FAM216A: variants seen among roughly 807,000 people sequenced by gnomAD.
The protein encoded by FAM216A is family with sequence similarity 216 member A.
FAM216A carries 26 observed loss-of-function variants against 37.6 expected under a neutral mutation model. That is an observed-to-expected ratio of 0.69 (90% CI 0.51 to 0.96). The LOEUF is 0.96. FAM216A is among the 40% of genes least tolerant of loss of function. The pLI is 0.00. For synonymous variants in FAM216A, 110 were observed against 121.7 expected (o/e 0.90, Z 0.64); for missense variants, 326 against 339.3 (o/e 0.96, Z 0.31).
intron 1 of FAM216A, among the ~76,000 whole-genome samples, chr12:110,470,314 G>A (rs772300922): frequency 6.6e-6 from 1 of 151,722 alleles, no homozygotes; most frequent in Non-Finnish European, 1.5e-5. Flanking sequence ...TAGCCAGGAT[G>A]GTCTCGATCT....
rs190282260 is a variant in FAM216A at position 110,487,543 on chromosome 12, A to T, written c.621-318A>T. 2.2e-3 allele frequency: 575 copies of T among 258,226 alleles called. 2 individuals are homozygous for T. The highest frequency in any genetic ancestry group is 0.012 in the African/African-American group (529 of 43,940). The allele number at this position is 258,226 out of a possible 1,614,324, so 16.0% of individuals were successfully genotyped here. Reference sequence around the variant, plus strand: ...ATTTCTTTATCAGATAGAGTTATGGATGACTGCCCTTTTCAATATAATTCC... The same window carrying T: ...ATTTCTTTATCAGATAGAGTTATGGTTGACTGCCCTTTTCAATATAATTCC... On this transcript the variant is annotated intron_variant, in intron 5 of 6. Coordinates refer to ENST00000377673, the MANE Select transcript of FAM216A (RefSeq NM_013300.3).
chr12:110,486,471 T>C lies in FAM216A; in HGVS notation c.436+17T>C. ...AAAAGCCAGGCAGGTGCACCTCCAG[T>C]TGTCTTTTCACTAGTTTTTACAATT... On this transcript the variant is annotated intron_variant, in intron 4 of 6. Transcript: ENST00000377673. The C allele has an allele frequency of 6.2e-7, 1 of 1,608,708 alleles. No homozygotes were observed. The highest frequency in any genetic ancestry group is 8.5e-7 in the Non-Finnish European group (1 of 1,175,842).
intron 3 of FAM216A, 168 bp from the exon 4 acceptor site, chr12:110,486,157 C>T: frequency 3.1e-6 from 2 of 643,632 alleles, no homozygotes; most frequent in South Asian, 2.9e-5. Flanking sequence ...GCCACTTGCA[C>T]TGTTTAATTG....
chr12:110,486,506 G>A (rs776869209), intron 4 of FAM216A, 28 bp from the exon 5 acceptor site: 9 of 1,608,996 alleles, frequency 5.6e-6, no homozygotes, highest in Non-Finnish European at 7.7e-6. Flanking sequence ...TAGTGAGAGG[G>A]TCTTTTAACA....
chr12:110,486,339 C>A lies in FAM216A; in HGVS notation c.321C>A (p.Thr107=). ...CTGTCTTTTAGCATCCAGACCTCAC[C>A]ACAGGCCAGAAGCGTTACCTGTGCA... ...EASFFKHPDL[T]TGQKRYLCSI... Residue 107 remains threonine, a synonymous_variant, in exon 4 of 7, where the codon ACC becomes ACA. Coordinates refer to ENST00000377673, the MANE Select transcript of FAM216A (RefSeq NM_013300.3). 1 of 1,610,324 alleles carries A rather than the reference C, an allele frequency of 6.2e-7. No individual in the cohort carries two copies. Among genetic ancestry groups the A allele is most frequent in the Non-Finnish European group, 8.5e-7 (1 of 1,177,806 alleles).
At chr12:110,478,916 C>T (rs1284271368) in intron 2 of FAM216A, among the ~76,000 whole-genome samples, 4 of 151,978 alleles carry the variant, frequency 2.6e-5, no homozygotes, top group African/African-American at 7.2e-5. Flanking sequence ...AGGCCGGGCG[C>T]GGTGGCTCAC....
At chr12:110,481,975 G>A (rs1208593097) in intron 2 of FAM216A, among the ~76,000 whole-genome samples, 1 of 152,154 alleles carries the variant, frequency 6.6e-6, no homozygotes, top group East Asian at 1.9e-4. Flanking sequence ...TATCCAACTT[G>A]CCAAAATCTT....
rs1033437905 is a variant in FAM216A, at chr12:110,473,085, G to A, written c.151G>A (p.Gly51Arg). 6.4e-7 allele frequency: 1 copy of A among 1,553,418 alleles called. No individual in the cohort carries two copies. The highest frequency in any genetic ancestry group is 8.8e-7 in the Non-Finnish European group (1 of 1,136,816). The change falls in exon 2 of 7, where the codon GGA (glycine) becomes AGA (arginine). Residue 51 changes from glycine to arginine, a missense_variant. Physicochemically the swap from Gly to Arg is moderately radical, Grantham distance 125 (BLOSUM62 -2). Coordinates refer to ENST00000377673, the MANE Select transcript of FAM216A (RefSeq NM_013300.3). ...GTEGGGGGSA[G>R]YSCYQNSKGS... The stretch of plus-strand genomic sequence containing the variant: ...GCTTTATTTTTTCAACAGATCAGCT[G>A]GATACTCTTGTTACCAGAATTCCAA...
In FAM216A at chr12:110,484,996, G is replaced by A. The variant is rs7955913; in HGVS notation, c.185-82G>A. The A allele has an allele frequency of 3.3e-3, 4,786 of 1,437,996 alleles. 117 individuals are homozygous for A. In the African/African-American group the frequency reaches 0.057, roughly 17 times the overall value. 89.1% of individuals were successfully genotyped at this position (1,437,996 alleles called of 1,614,324 possible). ...ATTACAGGCGTGAGCCACCACACCC[G>A]GCCTAAATATCTAGATCTTAATAAT... On this transcript the variant is annotated intron_variant, in intron 2 of 6. Coordinates refer to ENST00000377673, the MANE Select transcript of FAM216A (RefSeq NM_013300.3).
intron 1 of FAM216A, among the ~76,000 whole-genome samples, chr12:110,469,549 G>A (rs2062667686): frequency 6.6e-6 from 1 of 151,204 alleles, no homozygotes; most frequent in Admixed American, 6.6e-5. Context: ...TCGCTCTGTT[G>A]CCTAGGCTGG....
At chr12:110,480,105 A>AAC (rs2062737730) in intron 2 of FAM216A, among the ~76,000 whole-genome samples, 1 of 150,534 alleles carries the variant, frequency 6.6e-6, no homozygotes, top group East Asian at 2.0e-4. Flanking sequence ...GGCTCACTGC[A>AAC]ACCGCTGCCT....
intron 2 of FAM216A, among the ~76,000 whole-genome samples, chr12:110,484,426 CAAAAAAAAAAAA>C (rs61648841): frequency 7.8e-5 from 4 of 51,258 alleles, no homozygotes; most frequent in Admixed American, 3.6e-4. Context: ...GACTCCGTCT[CAAAAAAAAAAAA>C]AAAAAAAAAA....
intron 2 of FAM216A, among the ~76,000 whole-genome samples, chr12:110,475,721 C>CAAA (rs112122723): frequency 2.1e-5 from 2 of 97,006 alleles, no homozygotes; most frequent in East Asian, 3.3e-4. Flanking sequence ...TCACCCCTGG[C>CAAA]AAAAAAAAAA....
At chr12:110,469,045 G>T (rs746139743) in intron 1 of FAM216A, 27 bp downstream of exon 1, 9 of 1,416,806 alleles carry the variant, frequency 6.4e-6, no homozygotes, top group Non-Finnish European at 9.2e-7. Context: ...CGGGGTAAGG[G>T]TGGCAGCATG....
intron 5 of FAM216A, chr12:110,487,342 T>G (rs537555014): frequency 6.5e-6 from 1 of 153,070 alleles, no homozygotes; most frequent in Non-Finnish European, 1.5e-5. Context: ...TCCATGTTGG[T>G]CAGGCTGGTC....
At chr12:110,475,265 G>A (rs1201225834) in intron 2 of FAM216A, among the ~76,000 whole-genome samples, 1 of 152,050 alleles carries the variant, frequency 6.6e-6, no homozygotes, top group Non-Finnish European at 1.5e-5. Flanking sequence ...TTTTTGAGAC[G>A]GAGTCTCACT....
At chr12:110,468,574 T>C (rs1317726714), upstream of FAM216A, 1 of 1,537,136 alleles carries the variant, frequency 6.5e-7, no homozygotes, top group Non-Finnish European at 8.7e-7. Context: ...ACCCTCGCGA[T>C]TTGCAAATGT....
chr12:110,477,916 C>G (rs537889756), intron 2 of FAM216A, among the ~76,000 whole-genome samples: 1 of 152,038 alleles, frequency 6.6e-6, no homozygotes, highest in South Asian at 2.1e-4. Flanking sequence ...ACCATGTTAG[C>G]CAAGATGGTC....
intron 1 of FAM216A, among the ~76,000 whole-genome samples, chr12:110,470,306 G>C (rs1486938150): frequency 6.6e-6 from 1 of 151,684 alleles, no homozygotes; most frequent in Non-Finnish European, 1.5e-5. Flanking sequence ...CACCGTGTTA[G>C]CCAGGATGGT....
Sources: gnomAD v4.1 joint callset for allele counts (sites outside exome capture counted in the v4.1 genomes callset) on GRCh38, gnomAD v4.1.1 for gene constraint, MANE v1.5 for transcripts, NCBI Gene and HGNC (gene_info 2026-07-23, HGNC 2026-07-21) for gene names.